The following CCDC141 variants were observed in gnomAD, a reference collection of about 807,000 sequenced individuals.
The protein encoded by CCDC141 is coiled-coil domain-containing protein 141.
In CCDC141, 168 loss-of-function variants were observed where a neutral mutation model predicts 181.0. The observed-to-expected ratio is 0.93, with a 90% CI of 0.82 to 1.05. CCDC141 has a LOEUF of 1.05. CCDC141 is among the 50% of genes least tolerant of loss of function. CCDC141 has a pLI of 0.00. For synonymous variants in CCDC141, 666 were observed against 642.3 expected (o/e 1.04, Z -0.56); for missense variants, 1,902 against 1,788.5 (o/e 1.06, Z -1.14).
chr2:178,998,221 C>T lies in CCDC141; in HGVS notation c.226-19546G>A, dbSNP rs540914268. Among the ~76,000 whole-genome samples the T allele has an allele frequency of 2.6e-5, 4 of 152,106 alleles. No individual in the cohort carries two copies. The East Asian group carries it at 7.7e-4, about 29-fold the overall frequency. On this transcript the variant is annotated intron_variant, in intron 2 of 23. Transcript: ENST00000443758. ...GTACTTCACTAGAATGGAAAGAGTGCTCCTTATCCTCTATTAAAGCTAAAA... is the reference window on the plus strand; with the variant it reads ...GTACTTCACTAGAATGGAAAGAGTGTTCCTTATCCTCTATTAAAGCTAAAA...
chr2:178,921,008 C>G (rs1688665956), intron 6 of CCDC141, among the ~76,000 whole-genome samples: 1 of 152,064 alleles, frequency 6.6e-6, no homozygotes, highest in African/African-American at 2.4e-5. Flanking sequence ...GTATGCTACT[C>G]AAGGTTACGT....
chr2:178,913,672 T>C (rs2154373980), intron 7 of CCDC141, among the ~76,000 whole-genome samples: 1 of 152,342 alleles, frequency 6.6e-6, no homozygotes, highest in East Asian at 1.9e-4. Context: ...AATGTTTCAA[T>C]AGCTATGGCA....
intron 22 of CCDC141, among the ~76,000 whole-genome samples, chr2:178,838,276 T>C (rs1575114558): frequency 6.6e-6 from 1 of 152,348 alleles, no homozygotes; most frequent in Non-Finnish European, 1.5e-5. Flanking sequence ...TTCAACCATG[T>C]TTAAGTGTAC....
intron 5 of CCDC141, among the ~76,000 whole-genome samples, chr2:178,952,242 A>T (rs1689978933): frequency 6.6e-6 from 1 of 152,196 alleles, no homozygotes; most frequent in Non-Finnish European, 1.5e-5. Context: ...AGTGTGTCTG[A>T]TTTTGTATGC....
chr2:178,833,848 G>T lies in CCDC141; in HGVS notation c.*325C>A. The T allele has an allele frequency of 4.6e-6, 1 of 219,648 alleles. No individual in the cohort carries two copies. The highest frequency in any genetic ancestry group is 1.2e-4 in the South Asian group (1 of 8,434). 13.6% of individuals were successfully genotyped at this position (219,648 alleles called of 1,614,324 possible). A position where few individuals can be genotyped will look rare whatever the true frequency, so the allele number is the denominator to read the frequency against. ...TTGAAATTTAGCACATTTCTATGCC[G>T]ATGTCAGCCTTCATCTGCACGCCCT... On this transcript the variant is annotated 3_prime_UTR_variant, in exon 24 of 24. Coordinates refer to ENST00000443758, the MANE Select transcript of CCDC141 (RefSeq NM_173648.4).
intron 4 of CCDC141, among the ~76,000 whole-genome samples, chr2:178,972,714 C>T (rs997952299): frequency 6.6e-6 from 1 of 152,142 alleles, no homozygotes; most frequent in Non-Finnish European, 1.5e-5. Flanking sequence ...ATTTTAACCC[C>T]AAGGAGAGAA....
chr2:178,940,217 A>G (rs1689451781), intron 6 of CCDC141, among the ~76,000 whole-genome samples: 1 of 141,864 alleles, frequency 7.0e-6, no homozygotes. Context: ...AGAGATTAGG[A>G]AAGAATAAAG....
rs996600589 is a variant in CCDC141, at chr2:178,831,245, T to A, written c.*2928A>T. The A allele has an allele frequency of 6.6e-6, 1 of 152,214 alleles. No homozygotes were observed. Among genetic ancestry groups the A allele is most frequent in the Non-Finnish European group, 1.5e-5 (1 of 68,032 alleles). 9.4% of individuals were successfully genotyped at this position (152,214 alleles called of 1,614,324 possible). A position where few individuals can be genotyped will look rare whatever the true frequency, so the allele number is the denominator to read the frequency against. On this transcript the variant is annotated 3_prime_UTR_variant, in exon 24 of 24. Coordinates refer to ENST00000443758, the MANE Select transcript of CCDC141 (RefSeq NM_173648.4). ...ACTACCACCAAATATTTATACATCC[T>A]TTTATTGGAAAATCAAAGCTGGAAA...
chr2:178,825,111 T>C (rs1053843324), downstream of CCDC141, among the ~76,000 whole-genome samples: 63 of 152,214 alleles, frequency 4.1e-4, 1 homozygote, highest in Admixed American at 4.0e-3. Context: ...CATTGAAAAG[T>C]TTCCAGTTAA....
intron 11 of CCDC141, among the ~76,000 whole-genome samples, chr2:178,881,638 G>T (rs1042807986): frequency 6.6e-6 from 1 of 152,038 alleles, no homozygotes; most frequent in African/African-American, 2.4e-5. Flanking sequence ...ACAAGGACAG[G>T]ATGAGCAAGT....
intron 3 of CCDC141, among the ~76,000 whole-genome samples, chr2:178,978,178 T>G (rs1311607708): frequency 6.6e-6 from 1 of 152,220 alleles, no homozygotes; most frequent in Non-Finnish European, 1.5e-5. Context: ...ATTTAGTAAC[T>G]GTATTACTAC....
chr2:178,882,015 C>G (rs1686647712), intron 11 of CCDC141, among the ~76,000 whole-genome samples: 1 of 150,770 alleles, frequency 6.6e-6, no homozygotes, highest in Non-Finnish European at 1.5e-5. Context: ...TTGGTGAGGG[C>G]AAGACTGTAA....
chr2:179,009,788 G>A (rs1481903308), intron 2 of CCDC141, among the ~76,000 whole-genome samples: 1 of 152,038 alleles, frequency 6.6e-6, no homozygotes, highest in Admixed American at 6.6e-5. Flanking sequence ...AGCAATGGAT[G>A]AAAACCAACA....
intron 2 of CCDC141, among the ~76,000 whole-genome samples, chr2:178,984,490 T>C (rs1306798201): frequency 6.6e-6 from 1 of 151,862 alleles, no homozygotes; most frequent in Non-Finnish European, 1.5e-5. Flanking sequence ...GTAAATGGAC[T>C]AACTGCTCCA....
At chr2:178,944,723 T>C in intron 5 of CCDC141, 72 bp from the exon 6 acceptor site, 1 of 536,558 alleles carries the variant, frequency 1.9e-6, no homozygotes, top group East Asian at 3.2e-5. Context: ...TCAGAAATAG[T>C]CCCTCAACCT....
At chr2:178,822,821 A>C in the CCDC141 span, among the ~76,000 whole-genome samples, 1 of 152,330 alleles carries the variant, frequency 6.6e-6, no homozygotes, top group Admixed American at 6.5e-5. Context: ...ACAAAAGTGA[A>C]GATTGTAATT....
At chr2:178,834,920 G>T (rs142614499) in intron 23 of CCDC141, among the ~76,000 whole-genome samples, 12 of 151,728 alleles carry the variant, frequency 7.9e-5, no homozygotes, top group Non-Finnish European at 1.3e-4. Flanking sequence ...GACTGGCTCA[G>T]ACAATGTTTT....
chr2:178,979,508 T>C (rs1010628262), intron 2 of CCDC141, among the ~76,000 whole-genome samples: 10 of 152,266 alleles, frequency 6.6e-5, no homozygotes, highest in Admixed American at 2.6e-4. Context: ...AAAATGTGGA[T>C]GAGTTAACTT....
chr2:178,858,990 A>G (rs192232146), intron 17 of CCDC141, among the ~76,000 whole-genome samples: 157 of 152,318 alleles, frequency 1.0e-3, no homozygotes, highest in African/African-American at 3.6e-3. Context: ...AGACTGATAA[A>G]TGATGAGTGT....
Sources: allele counts gnomAD v4.1 joint callset (sites outside exome capture counted in the v4.1 genomes callset), GRCh38; gene constraint gnomAD v4.1.1; transcripts MANE v1.5; gene names NCBI Gene and HGNC (gene_info 2026-07-23, HGNC 2026-07-21).